Variants in TMTC2 observed in about 807,000 individuals in gnomAD.
TMTC2 encodes the protein protein O-mannosyl-transferase TMTC2.
In TMTC2, 43 loss-of-function variants were observed where a neutral mutation model predicts 82.4. The ratio of observed to expected loss-of-function variants is 0.52; its 90% CI spans 0.41 to 0.67. The LOEUF is 0.67. TMTC2 is among the 30% of genes least tolerant of loss of function. TMTC2 has a pLI of 0.00. For missense variants in TMTC2, 919 were observed against 1,012.4 expected, an observed-to-expected ratio of 0.91 and a Z score of 1.25; for synonymous variants, 408 against 381.9, an observed-to-expected ratio of 1.07 and a Z score of -0.80.
At chr12:82,752,147 CTT>C (rs1555182219) in intron 1 of TMTC2, among the ~76,000 whole-genome samples, 2 of 137,938 alleles carry the variant, frequency 1.4e-5, no homozygotes, top group African/African-American at 5.6e-5. Flanking sequence ...TTGGAAGCTC[CTT>C]TTTTTTTTTT....
chr12:82,794,780 G>A (rs1314647844), intron 1 of TMTC2, among the ~76,000 whole-genome samples: 1 of 152,106 alleles, frequency 6.6e-6, no homozygotes, highest in Non-Finnish European at 1.5e-5. Context: ...TTATCTAACT[G>A]ATGTAAGTCG....
At chr12:82,769,988 C>T (rs983012226) in intron 1 of TMTC2, among the ~76,000 whole-genome samples, 2 of 152,084 alleles carry the variant, frequency 1.3e-5, no homozygotes, top group African/African-American at 2.4e-5. Context: ...ACCAAGATGC[C>T]TATATTCTAA....
At chr12:82,707,320 C>T (rs1873406979) in intron 1 of TMTC2, among the ~76,000 whole-genome samples, 1 of 152,154 alleles carries the variant, frequency 6.6e-6, no homozygotes, top group African/African-American at 2.4e-5. Context: ...ATTCAGATGA[C>T]CTAATCACCT....
At position 82,876,069 on chromosome 12, in the gene TMTC2, A is replaced by ATGGTGGTGG. The variant is rs1244436181; in HGVS notation, c.654+18491_654+18492insGTGGTGGTG. On this transcript the variant is annotated intron_variant, in intron 2 of 11. Transcript: ENST00000321196. The stretch of plus-strand genomic sequence containing the variant: ...GGTGGTGGTGGTGGTGGTGGTGGTG[A>ATGGTGGTGG]TGATGATGATGGTGATTAGTATTCA... Among the ~76,000 whole-genome samples, 5 of 102,214 alleles carry ATGGTGGTGG rather than the reference A, an allele frequency of 4.9e-5. No homozygotes were observed. The East Asian group carries it at 1.2e-3, about 24-fold the overall frequency. The allele number at this position is 102,214 out of a possible 152,430, so 67.1% of individuals were successfully genotyped here. A position where few individuals can be genotyped will look rare whatever the true frequency, so the allele number is the denominator to read the frequency against.
At chr12:83,125,261 G>C (rs978039160) in intron 11 of TMTC2, among the ~76,000 whole-genome samples, 12 of 152,144 alleles carry the variant, frequency 7.9e-5, no homozygotes, top group Non-Finnish European at 1.5e-4. Flanking sequence ...GTTTATAACA[G>C]ATTTTTCATT....
At chr12:83,018,372 A>T (rs2137398706) in intron 8 of TMTC2, among the ~76,000 whole-genome samples, 1 of 152,352 alleles carries the variant, frequency 6.6e-6, no homozygotes, top group African/African-American at 2.4e-5. Context: ...TTTGGGAGCC[A>T]AACAGCATAG....
At chr12:82,812,450 C>A (rs1868451464) in intron 1 of TMTC2, among the ~76,000 whole-genome samples, 1 of 152,106 alleles carries the variant, frequency 6.6e-6, no homozygotes, top group Non-Finnish European at 1.5e-5. Context: ...TAATGGAAAG[C>A]ATCAACTGAC....
At chr12:82,975,699 G>A (rs1878635559) in intron 7 of TMTC2, among the ~76,000 whole-genome samples, 2 of 151,294 alleles carry the variant, frequency 1.3e-5, no homozygotes, top group Non-Finnish European at 2.9e-5. Flanking sequence ...CACATGAAAT[G>A]TATTCCTAAA....
At chr12:82,935,050 A>G (rs963998531) in intron 4 of TMTC2, among the ~76,000 whole-genome samples, 1 of 152,178 alleles carries the variant, frequency 6.6e-6, no homozygotes, top group African/African-American at 2.4e-5. Context: ...AAATATTTAG[A>G]ATTAAATCTA....
At chr12:83,028,798 GTAAGATACTTGCTAA>G (rs1379627923) in intron 8 of TMTC2, among the ~76,000 whole-genome samples, 2 of 152,120 alleles carry the variant, frequency 1.3e-5, no homozygotes, top group Non-Finnish European at 2.9e-5. Flanking sequence ...AACCTAATCG[GTAAGATACTTGCTAA>G]TTCTTCTTAT....
intron 8 of TMTC2, among the ~76,000 whole-genome samples, chr12:83,011,258 G>A (rs892564330): frequency 5.9e-5 from 9 of 152,148 alleles, no homozygotes; most frequent in Non-Finnish European, 8.8e-5. Flanking sequence ...TTATATGAAC[G>A]CTAGTTCTAG....
intron 1 of TMTC2, among the ~76,000 whole-genome samples, chr12:82,751,527 T>TA (rs1259238171): frequency 6.6e-5 from 10 of 151,932 alleles, no homozygotes; most frequent in African/African-American, 2.4e-4. Context: ...TACTAAAACT[T>TA]AAAGTATAAT....
chr12:83,031,996 A>ATTTATT (rs1200513767), intron 9 of TMTC2, among the ~76,000 whole-genome samples: 1 of 151,984 alleles, frequency 6.6e-6, no homozygotes, highest in Non-Finnish European at 1.5e-5. Context: ...TTGCTGCAGA[A>ATTTATT]TTTATTTTTA....
chr12:82,985,498 T>A (rs1159840749), intron 7 of TMTC2, among the ~76,000 whole-genome samples: 1 of 152,204 alleles, frequency 6.6e-6, no homozygotes, highest in Non-Finnish European at 1.5e-5. Flanking sequence ...ACTTTTTTCT[T>A]ATAGTTCCTT....
intron 1 of TMTC2, among the ~76,000 whole-genome samples, chr12:82,780,183 T>C (rs1189769958): frequency 1.3e-5 from 2 of 152,190 alleles, no homozygotes; most frequent in African/African-American, 4.8e-5. Context: ...ATAAGATTTT[T>C]GCTAATATTT....
At chr12:83,016,013 T>A (rs768411485) in intron 8 of TMTC2, among the ~76,000 whole-genome samples, 14 of 152,204 alleles carry the variant, frequency 9.2e-5, no homozygotes, top group Admixed American at 2.6e-4. Flanking sequence ...AACATTGCTG[T>A]TTTCTATAGA....
intron 2 of TMTC2, among the ~76,000 whole-genome samples, chr12:82,888,437 A>G (rs7135560): frequency 0.022 from 3,380 of 152,206 alleles, 124 homozygotes; most frequent in African/African-American, 0.077. Flanking sequence ...GGTGACTTGG[A>G]GTTGTGTGGA....
At position 82,772,584 on chromosome 12, in the gene TMTC2, A is replaced by T. The variant is rs561980404; in HGVS notation, c.84-84426A>T. 3.3e-5 allele frequency among the ~76,000 whole-genome samples: 5 copies of T among 152,338 alleles called. No individual in the cohort carries two copies. In the East Asian group the frequency reaches 9.6e-4, roughly 29 times the overall value. ...AGTTCTCCTGAAAGCGTTAGTAGACATAGTAGTCTGCATCACAGCAGCAGG... is the reference window on the plus strand; with the variant it reads ...AGTTCTCCTGAAAGCGTTAGTAGACTTAGTAGTCTGCATCACAGCAGCAGG... On this transcript the variant is annotated intron_variant, in intron 1 of 11. Transcript: ENST00000321196.
At chr12:82,821,528 CTT>C (rs1869111520) in intron 1 of TMTC2, among the ~76,000 whole-genome samples, 1 of 152,102 alleles carries the variant, frequency 6.6e-6, no homozygotes, top group Non-Finnish European at 1.5e-5. Context: ...GATTAAGTAA[CTT>C]CATTTATATT....
Sources: gnomAD v4.1 joint callset for allele counts (sites outside exome capture counted in the v4.1 genomes callset) on GRCh38, gnomAD v4.1.1 for gene constraint, MANE v1.5 for transcripts, NCBI Gene and HGNC (gene_info 2026-07-23, HGNC 2026-07-21) for gene names.